The following MAGI2 variants were observed in gnomAD, a reference collection of about 807,000 sequenced individuals.
The protein encoded by MAGI2 is membrane-associated guanylate kinase, WW and PDZ domain-containing protein 2.
MAGI2 carries 35 observed loss-of-function variants against 133.3 expected under a neutral mutation model. The observed-to-expected ratio is 0.26, with a 90% CI of 0.20 to 0.35. The LOEUF (loss-of-function observed/expected upper bound fraction) is 0.35. MAGI2 is among the 10% of genes least tolerant of loss of function. The pLI is 1.00. For synonymous variants in MAGI2, 729 were observed against 710.6 expected (o/e 1.03, Z -0.41); for missense variants, 1,636 against 1,863.4 (o/e 0.88, Z 2.25).
intron 3 of MAGI2, among the ~76,000 whole-genome samples, chr7:78,586,158 G>A (rs994525055): frequency 8.5e-5 from 13 of 152,202 alleles, no homozygotes; most frequent in African/African-American, 2.4e-4. Flanking sequence ...GAGAGATTGC[G>A]TAAGTAGATC....
intron 13 of MAGI2, among the ~76,000 whole-genome samples, chr7:78,178,632 A>G (rs1373671813): frequency 6.6e-6 from 1 of 151,956 alleles, no homozygotes; most frequent in African/African-American, 2.4e-5. Flanking sequence ...TATGCCCAAT[A>G]GAAGTTGTCT....
intron 10 of MAGI2, among the ~76,000 whole-genome samples, chr7:78,235,977 T>C (rs1473666180): frequency 6.6e-6 from 1 of 151,714 alleles, no homozygotes; most frequent in Non-Finnish European, 1.5e-5. Context: ...TCTAGTATTA[T>C]GATTCCAGTT....
At chr7:79,370,438 A>G (rs776355149) in intron 1 of MAGI2, among the ~76,000 whole-genome samples, 1 of 152,056 alleles carries the variant, frequency 6.6e-6, no homozygotes, top group Non-Finnish European at 1.5e-5. Context: ...GCACAATGTA[A>G]GTAACAAAAA....
chr7:78,474,212 G>A (rs909717215), intron 6 of MAGI2, among the ~76,000 whole-genome samples: 2 of 151,972 alleles, frequency 1.3e-5, no homozygotes, highest in African/African-American at 4.8e-5. Flanking sequence ...CTATTTATAT[G>A]CAAGTTGGGC....
intron 2 of MAGI2, among the ~76,000 whole-genome samples, chr7:78,896,320 T>G (rs1797209102): frequency 6.6e-6 from 1 of 151,990 alleles, no homozygotes; most frequent in African/African-American, 2.4e-5. Flanking sequence ...TTTTTAGCAT[T>G]TTCCTTGTCC....
chr7:78,433,873 G>A (rs2151437709), intron 6 of MAGI2, among the ~76,000 whole-genome samples: 1 of 152,242 alleles, frequency 6.6e-6, no homozygotes, highest in Non-Finnish European at 1.5e-5. Flanking sequence ...TTACATTTTA[G>A]GGTTCCAGAG....
chr7:78,557,338 T>A (rs1799942735), intron 3 of MAGI2, among the ~76,000 whole-genome samples: 1 of 152,176 alleles, frequency 6.6e-6, no homozygotes, highest in Non-Finnish European at 1.5e-5. Context: ...AGGAGCCAGT[T>A]AGCATTGTTG....
At chr7:78,633,738 C>T (rs952627090) in intron 2 of MAGI2, among the ~76,000 whole-genome samples, 3 of 148,272 alleles carry the variant, frequency 2.0e-5, no homozygotes, top group African/African-American at 7.4e-5. Flanking sequence ...TGAGAGAATG[C>T]TGTGGTGTGA....
At chr7:78,379,557 A>G (rs1375318568) in intron 6 of MAGI2, among the ~76,000 whole-genome samples, 1 of 152,088 alleles carries the variant, frequency 6.6e-6, no homozygotes, top group Non-Finnish European at 1.5e-5. Flanking sequence ...ACAAAACAGT[A>G]ACTACAGGAG....
At chr7:79,209,246 T>C (rs993138905) in intron 1 of MAGI2, among the ~76,000 whole-genome samples, 2 of 152,028 alleles carry the variant, frequency 1.3e-5, no homozygotes, top group Admixed American at 6.5e-5. Flanking sequence ...CATCCCATAA[T>C]GTGTATATAC....
chr7:79,037,252 A>G (rs571088126), intron 1 of MAGI2, among the ~76,000 whole-genome samples: 1 of 152,348 alleles, frequency 6.6e-6, no homozygotes, highest in East Asian at 1.9e-4. Context: ...TAAATTTGAC[A>G]GTCATTGTGT....
At chr7:78,992,984 CT>C (rs200392357) in intron 2 of MAGI2, among the ~76,000 whole-genome samples, 339 of 152,038 alleles carry the variant, frequency 2.2e-3, no homozygotes, top group African/African-American at 7.2e-3. Flanking sequence ...TTGTCAATTG[CT>C]TTTTCATGTG....
At chr7:78,265,710 A>C (rs1351673797) in intron 9 of MAGI2, among the ~76,000 whole-genome samples, 2 of 152,196 alleles carry the variant, frequency 1.3e-5, no homozygotes, top group African/African-American at 4.8e-5. Flanking sequence ...TAGTTACAAA[A>C]ATACCTTGCA....
At chr7:79,374,321 CCCACACAA>C (rs948503712) in intron 1 of MAGI2, among the ~76,000 whole-genome samples, 4 of 119,582 alleles carry the variant, frequency 3.3e-5, no homozygotes, top group Non-Finnish European at 6.6e-5. Flanking sequence ...TGGACACACA[CCCACACAA>C]ACACACACAC....
At chr7:78,635,309 C>T (rs1399015322) in intron 2 of MAGI2, among the ~76,000 whole-genome samples, 1 of 152,206 alleles carries the variant, frequency 6.6e-6, no homozygotes, top group Admixed American at 6.5e-5. Context: ...AAGAAAAGGG[C>T]ATTTGTGGTA....
intron 1 of MAGI2, among the ~76,000 whole-genome samples, chr7:79,252,223 A>C (rs193013217): frequency 2.6e-4 from 39 of 152,048 alleles, no homozygotes; most frequent in African/African-American, 8.2e-4. Context: ...TATATACATG[A>C]TGAAATACTA....
chr7:78,169,390 T>A (rs1449787050), intron 14 of MAGI2, among the ~76,000 whole-genome samples: 5 of 150,088 alleles, frequency 3.3e-5, no homozygotes, highest in Admixed American at 1.3e-4. Flanking sequence ...CCAGATTGAT[T>A]TCCTTCAGGC....
intron 3 of MAGI2, among the ~76,000 whole-genome samples, chr7:78,558,697 A>C (rs1331043383): frequency 6.6e-6 from 1 of 152,126 alleles, no homozygotes; most frequent in Non-Finnish European, 1.5e-5. Flanking sequence ...TCATATGATA[A>C]AATGACATTC....
At chr7:79,289,338 A>C (rs921078967) in intron 1 of MAGI2, among the ~76,000 whole-genome samples, 1 of 152,180 alleles carries the variant, frequency 6.6e-6, no homozygotes, top group African/African-American at 2.4e-5. Flanking sequence ...GCAGTTGTTA[A>C]CATCTCTAAT....
Sources: allele counts gnomAD v4.1 joint callset (sites outside exome capture counted in the v4.1 genomes callset), GRCh38; gene constraint gnomAD v4.1.1; transcripts MANE v1.5; gene names NCBI Gene and HGNC (gene_info 2026-07-23, HGNC 2026-07-21).